Variants in LOXL2 observed in about 807,000 individuals in gnomAD.
The protein encoded by LOXL2 is lysyl oxidase like 2, also known as lysyl oxidase homolog 2.
In LOXL2, 70 loss-of-function variants were observed where a neutral mutation model predicts 93.0. The observed-to-expected ratio is 0.75, with a 90% CI of 0.62 to 0.92. The LOEUF (loss-of-function observed/expected upper bound fraction) is 0.92, where lower values mean the gene tolerates loss of function less well. Ranked by LOEUF, LOXL2 falls within the 40% of genes least tolerant of loss-of-function variation. The probability of loss-of-function intolerance (pLI) is 0.00; values close to 1 mark genes in which losing one functional copy is unlikely to be tolerated. For missense variants in LOXL2, 973 were observed against 1,054.9 expected, an observed-to-expected ratio of 0.92 and a Z score of 1.08; for synonymous variants, 438 against 413.2, an observed-to-expected ratio of 1.06 and a Z score of -0.73.
In LOXL2 at chr8:23,345,941, G is replaced by A. The variant is rs1310079654; in HGVS notation, c.532-4738C>T. Among the ~76,000 whole-genome samples, 4 of 151,796 alleles carry A rather than the reference G, an allele frequency of 2.6e-5. No homozygotes were observed. In the East Asian group the frequency reaches 7.7e-4, roughly 29 times the overall value. On this transcript the variant is annotated intron_variant, in intron 3 of 13. Coordinates refer to ENST00000389131, the MANE Select transcript of LOXL2 (RefSeq NM_002318.3). The stretch of plus-strand genomic sequence containing the variant: ...AAATTAGCCAGGCATGGTGGCGGGC[G>A]CCTGTAGTCCCAGCTACTCGGGAGG...
At chr8:23,346,997 C>T (rs929832997) in intron 3 of LOXL2, among the ~76,000 whole-genome samples, 3 of 152,176 alleles carry the variant, frequency 2.0e-5, no homozygotes, top group Admixed American at 6.5e-5. Flanking sequence ...CCTCTCAGAG[C>T]CTGCAGCTTT....
intron 1 of LOXL2, among the ~76,000 whole-genome samples, chr8:23,377,626 C>T (rs370923223): frequency 6.6e-6 from 1 of 152,174 alleles, no homozygotes; most frequent in Admixed American, 6.5e-5. Flanking sequence ...GGTGCTCCTG[C>T]ATTGGGTGCA....
rs75945268 is a variant in LOXL2, at chr8:23,315,368, G to A, written c.1636+1581C>T. Among the ~76,000 whole-genome samples the A allele has an allele frequency of 4.3e-3, 655 of 152,246 alleles. 7 individuals carry two copies. The highest frequency in any genetic ancestry group is 0.015 in the African/African-American group (614 of 41,524). ...ACTTTATTTCCCTGAATACTCTAAC[G>A]TGCATTTAGCCAGAGCAGCCAAGAG... On this transcript the variant is annotated intron_variant, in intron 9 of 13. Coordinates refer to ENST00000389131, the MANE Select transcript of LOXL2 (RefSeq NM_002318.3).
At chr8:23,328,789 C>A (rs1803630371) in intron 5 of LOXL2, 2 of 518,882 alleles carry the variant, frequency 3.9e-6, no homozygotes, top group Non-Finnish European at 6.9e-6. Context: ...ATAGAGTCAG[C>A]TCTGGTGCAA....
intron 1 of LOXL2, among the ~76,000 whole-genome samples, chr8:23,380,442 TA>T (rs1485728942): frequency 8.6e-5 from 13 of 151,444 alleles, no homozygotes; most frequent in African/African-American, 3.2e-4. Context: ...TGTATATCTG[TA>T]AACTGCTCTA....
intron 1 of LOXL2, among the ~76,000 whole-genome samples, chr8:23,403,414 C>T (rs544379215): frequency 2.3e-4 from 35 of 152,186 alleles, no homozygotes; most frequent in African/African-American, 5.3e-4. Flanking sequence ...GGGGGTTGAA[C>T]CGGGTTCAAG....
chr8:23,388,793 A>G (rs1166924592), intron 1 of LOXL2, among the ~76,000 whole-genome samples: 1 of 151,766 alleles, frequency 6.6e-6, no homozygotes, highest in Non-Finnish European at 1.5e-5. Flanking sequence ...CCAAGTCTGC[A>G]AGTAAAGCTT....
chr8:23,368,720 C>T (rs573800156), intron 1 of LOXL2, among the ~76,000 whole-genome samples: 28 of 152,194 alleles, frequency 1.8e-4, no homozygotes, highest in African/African-American at 6.0e-4. Context: ...ACGGACATGC[C>T]GGCAGAGTTC....
At chr8:23,381,732 C>T (rs949953089) in intron 1 of LOXL2, among the ~76,000 whole-genome samples, 1 of 152,216 alleles carries the variant, frequency 6.6e-6, no homozygotes, top group Non-Finnish European at 1.5e-5. Context: ...GGAGGAAACA[C>T]TGCCAGGCTT....
intron 1 of LOXL2, chr8:23,370,684 C>T (rs571215273): frequency 7.9e-5 from 12 of 151,006 alleles, no homozygotes; most frequent in African/African-American, 2.2e-4. Flanking sequence ...GCCAATTCCA[C>T]GGCAGTGATC....
At chr8:23,316,806 C>T (rs1803408169) in intron 9 of LOXL2, 143 bp downstream of exon 9, 2 of 824,178 alleles carry the variant, frequency 2.4e-6, no homozygotes, top group East Asian at 2.8e-5. Context: ...TCTCTCTTGC[C>T]CCCAGTTTTT....
chr8:23,310,923 G>A (rs994974819), intron 9 of LOXL2, among the ~76,000 whole-genome samples: 2 of 152,206 alleles, frequency 1.3e-5, no homozygotes, highest in South Asian at 4.1e-4. Flanking sequence ...ATTAACTGTA[G>A]GCTTTACCTT....
At chr8:23,379,968 C>T (rs564621182) in intron 1 of LOXL2, among the ~76,000 whole-genome samples, 3 of 126,890 alleles carry the variant, frequency 2.4e-5, no homozygotes, top group Non-Finnish European at 4.9e-5. Flanking sequence ...TCCTACGAGC[C>T]CCAGTGAGAT....
chr8:23,306,893 C>T (rs1157387712), intron 10 of LOXL2, among the ~76,000 whole-genome samples: 1 of 152,230 alleles, frequency 6.6e-6, no homozygotes, highest in Non-Finnish European at 1.5e-5. Flanking sequence ...GACCATCGGC[C>T]AGGGCACAGT....
At chr8:23,319,024 TG>T (rs1803451665) in intron 8 of LOXL2, among the ~76,000 whole-genome samples, 1 of 152,192 alleles carries the variant, frequency 6.6e-6, no homozygotes, top group African/African-American at 2.4e-5. Flanking sequence ...GAAGGACCAC[TG>T]GGGAAGGAGA....
intron 7 of LOXL2, among the ~76,000 whole-genome samples, chr8:23,320,943 G>C (rs75788115): frequency 0.022 from 3,346 of 152,200 alleles, 128 homozygotes; most frequent in Admixed American, 0.087. Flanking sequence ...GGAAGGGTGG[G>C]CTTGGCCACA....
intron 1 of LOXL2, among the ~76,000 whole-genome samples, chr8:23,403,306 AG>A (rs890283410): frequency 2.6e-5 from 4 of 152,170 alleles, no homozygotes; most frequent in African/African-American, 9.6e-5. Context: ...CCGGAGAGGC[AG>A]GGCGACTTGG....
At chr8:23,399,288 C>G (rs1800129581) in intron 1 of LOXL2, among the ~76,000 whole-genome samples, 1 of 150,074 alleles carries the variant, frequency 6.7e-6, no homozygotes, top group Non-Finnish European at 1.5e-5. Context: ...TAAAGCCAGG[C>G]AGCCCCTGGG....
chr8:23,367,807 G>A (rs538210574), intron 2 of LOXL2, among the ~76,000 whole-genome samples, 190 bp downstream of exon 2: 1 of 151,750 alleles, frequency 6.6e-6, no homozygotes, highest in East Asian at 1.9e-4. Context: ...CCCTCCTCAA[G>A]CCCCCCGACC....
Sources: gnomAD v4.1 joint callset for allele counts (sites outside exome capture counted in the v4.1 genomes callset) on GRCh38, gnomAD v4.1.1 for gene constraint, MANE v1.5 for transcripts, NCBI Gene and HGNC (gene_info 2026-07-23, HGNC 2026-07-21) for gene names.